PDE3A: variants seen among roughly 807,000 people sequenced by gnomAD.
The protein encoded by PDE3A is phosphodiesterase 3A.
A neutral mutation model predicts 98.3 loss-of-function variants in PDE3A; 43 were observed. The ratio of observed to expected loss-of-function variants is 0.44; its 90% confidence interval spans 0.34 to 0.56. PDE3A has a LOEUF of 0.56. Ranked by LOEUF, PDE3A falls within the 20% of genes least tolerant of loss-of-function variation. PDE3A has a pLI of 0.01. For synonymous variants in PDE3A, 663 were observed against 567.9 expected (o/e 1.17, Z -2.38); for missense variants, 1,427 against 1,440.7 (o/e 0.99, Z 0.15).
rs143012308 is a variant in PDE3A at position 20,488,727 on chromosome 12, A to G, written c.961-67933A>G. On this transcript the variant is annotated intron_variant, in intron 1 of 15. Transcript: ENST00000359062. Reference sequence around the variant, plus strand: ...AAATAATTACCTCAGCCTCTCGAGTATACTGTAGGTACAAAGCCACCACGT... The same window carrying G: ...AAATAATTACCTCAGCCTCTCGAGTGTACTGTAGGTACAAAGCCACCACGT... Among the ~76,000 whole-genome samples the G allele has an allele frequency of 2.7e-3, 418 of 152,142 alleles. 1 individual carries two copies. Among genetic ancestry groups the G allele is most frequent in the Middle Eastern group, 0.01 (3 of 294 alleles).
intron 1 of PDE3A, among the ~76,000 whole-genome samples, chr12:20,454,684 T>G (rs373520688): frequency 0.019 from 2,864 of 152,296 alleles, 47 homozygotes; most frequent in Middle Eastern, 0.088. Context: ...TGTCCATGTG[T>G]TCTCATCATT....
rs2120529152 is a variant in PDE3A at position 20,685,960 on chromosome 12, A to C, written c.*5689A>C. On this transcript the variant is annotated 3_prime_UTR_variant, in exon 16 of 16. Coordinates refer to ENST00000359062, the MANE Select transcript of PDE3A (RefSeq NM_000921.5). ...AATTTGGTTTATTTTCTTGAAGCAA[A>C]GTTATTTAATTTTTTAATTTTTAAC... Among the ~76,000 whole-genome samples the C allele has an allele frequency of 6.6e-6, 1 of 152,280 alleles. No homozygotes were observed. The highest frequency in any genetic ancestry group is 2.4e-5 in the African/African-American group (1 of 41,578).
chr12:20,526,700 T>C (rs1946527375), intron 1 of PDE3A, among the ~76,000 whole-genome samples: 2 of 149,704 alleles, frequency 1.3e-5, no homozygotes, highest in South Asian at 4.2e-4. Flanking sequence ...TGTTATTTCC[T>C]ATAGTGCCTA....
chr12:20,550,461 A>G (rs11045301), intron 1 of PDE3A, among the ~76,000 whole-genome samples: 43,650 of 152,020 alleles, frequency 0.29, 7,888 homozygotes, highest in East Asian at 0.42. Flanking sequence ...TAATGTTTCT[A>G]AATCATACTA....
At chr12:20,476,064 CTCTA>C (rs560403224) in intron 1 of PDE3A, among the ~76,000 whole-genome samples, 8 of 152,170 alleles carry the variant, frequency 5.3e-5, no homozygotes, top group Non-Finnish European at 1.0e-4. Flanking sequence ...AGGCATTTTT[CTCTA>C]TCTAAATTTC....
In PDE3A at chr12:20,651,816, G is replaced by A. The variant is rs560722589; in HGVS notation, c.2925+1216G>A. On this transcript the variant is annotated intron_variant, in intron 14 of 15. Transcript: ENST00000359062. The stretch of plus-strand genomic sequence containing the variant: ...AAGTTTTAGGGTACATGTGCACAAC[G>A]TGCAGGTTTGTTACATATATATACA... Among the ~76,000 whole-genome samples, 7 of 152,130 alleles carry A rather than the reference G, an allele frequency of 4.6e-5. No individual in the cohort carries two copies. In the East Asian group the frequency reaches 7.7e-4, roughly 17 times the overall value.
chr12:20,405,200 G>T (rs184080348), intron 1 of PDE3A, among the ~76,000 whole-genome samples: 182 of 152,118 alleles, frequency 1.2e-3, no homozygotes, highest in African/African-American at 4.2e-3. Context: ...CTCTATCTTT[G>T]CTGTGTGGAT....
chr12:20,490,182 G>T (rs958532593), intron 1 of PDE3A, among the ~76,000 whole-genome samples: 3 of 152,086 alleles, frequency 2.0e-5, no homozygotes, highest in Non-Finnish European at 4.4e-5. Flanking sequence ...GAATGAATTT[G>T]GTTAATTTAG....
chr12:20,676,645 AC>A (rs1396570127), intron 15 of PDE3A, among the ~76,000 whole-genome samples: 1 of 151,696 alleles, frequency 6.6e-6, no homozygotes, highest in African/African-American at 2.4e-5. Context: ...GACTACAGGC[AC>A]ACGCCACCAT....
At chr12:20,525,467 T>TG (rs58441527) in intron 1 of PDE3A, among the ~76,000 whole-genome samples, 12,450 of 139,202 alleles carry the variant, frequency 0.089, 649 homozygotes, top group Non-Finnish European at 0.13. Flanking sequence ...CTGATTTGGT[T>TG]GGGGGGGGGG....
intron 1 of PDE3A, among the ~76,000 whole-genome samples, chr12:20,553,264 A>G (rs1942267678): frequency 8.7e-6 from 1 of 114,426 alleles, no homozygotes; most frequent in South Asian, 3.4e-4. Flanking sequence ...AAAGCCTGCA[A>G]TTTCTCGACA....
At chr12:20,426,155 G>A (rs1157377207) in intron 1 of PDE3A, among the ~76,000 whole-genome samples, 1 of 152,116 alleles carries the variant, frequency 6.6e-6, no homozygotes, top group African/African-American at 2.4e-5. Context: ...AACTAGAAGA[G>A]ATTTTGTAAC....
intron 2 of PDE3A, among the ~76,000 whole-genome samples, chr12:20,607,606 A>G (rs987178654): frequency 1.3e-5 from 2 of 152,148 alleles, no homozygotes; most frequent in Non-Finnish European, 2.9e-5. Flanking sequence ...TTTGGTTGCC[A>G]TTTAAATAGT....
intron 2 of PDE3A, among the ~76,000 whole-genome samples, chr12:20,573,403 C>T (rs1380481888): frequency 6.6e-6 from 1 of 151,172 alleles, no homozygotes; most frequent in Non-Finnish European, 1.5e-5. Flanking sequence ...TCATGAAGCT[C>T]GTATTCTAGA....
Position 20,369,640 on chromosome 12 carries a change from C to T in PDE3A, c.356C>T (p.Ala119Val), listed in dbSNP as rs1943422680. 7 of 1,594,848 alleles carry T rather than the reference C, an allele frequency of 4.4e-6. No homozygotes were observed. The highest frequency in any genetic ancestry group is 6.0e-6 in the Non-Finnish European group (7 of 1,171,518). ...GGVFPGPRGG[A>V]PGGGARLSPW... is the part of the protein sequence containing the mutation. Reference sequence around the variant, plus strand: ...GTCTTCCCGGGGCCTCGGGGAGGTGCTCCCGGGGGCGGTGCGCGGCTCAGC... The same window carrying T: ...GTCTTCCCGGGGCCTCGGGGAGGTGTTCCCGGGGGCGGTGCGCGGCTCAGC... Residue 119 changes from alanine to valine, a missense_variant, in exon 1 of 16, where the codon GCT becomes GTT. This residue lies in a region of PDE3A where 1,012 missense variants were observed against 886.5 expected (regional missense o/e 1.14). Coordinates refer to ENST00000359062, the MANE Select transcript of PDE3A (RefSeq NM_000921.5).
At chr12:20,544,804 A>C (rs891348969) in intron 1 of PDE3A, among the ~76,000 whole-genome samples, 1 of 151,986 alleles carries the variant, frequency 6.6e-6, no homozygotes, top group African/African-American at 2.4e-5. Flanking sequence ...ATGTATTAAA[A>C]ATTATAAAAC....
chr12:20,665,955 A>ATTTTTTT (rs1565469163), intron 15 of PDE3A, among the ~76,000 whole-genome samples: 1 of 123,412 alleles, frequency 8.1e-6, no homozygotes, highest in African/African-American at 3.0e-5. Flanking sequence ...AGTATTTGTC[A>ATTTTTTT]TTTCTTTTTT....
Position 20,393,994 on chromosome 12 carries a change from A to G in PDE3A, c.960+23750A>G, listed in dbSNP as rs530216539. 1.3e-5 allele frequency among the ~76,000 whole-genome samples: 2 copies of G among 152,194 alleles called. 1 individual carries two copies. Among genetic ancestry groups the G allele is most frequent in the South Asian group, 4.1e-4 (2 of 4,824 alleles). On this transcript the variant is annotated intron_variant, in intron 1 of 15. Transcript: ENST00000359062. ...TGTTGACGTGAGAGAAAAAGTTTAC[A>G]AATCGCAGCTCTATAAACTTGAACC...
At chr12:20,542,932 A>G (rs1941956882) in intron 1 of PDE3A, among the ~76,000 whole-genome samples, 1 of 152,176 alleles carries the variant, frequency 6.6e-6, no homozygotes, top group South Asian at 2.1e-4. Flanking sequence ...CAGTCATAAA[A>G]CAACAGGTGA....
Sources: gnomAD v4.1 joint callset for allele counts (sites outside exome capture counted in the v4.1 genomes callset) on GRCh38, gnomAD v4.1.1 for gene constraint, gnomAD v4.1.1 regional missense constraint, MANE v1.5 for transcripts, NCBI Gene and HGNC (gene_info 2026-07-23, HGNC 2026-07-21) for gene names.